RHBDD1: variants seen among roughly 807,000 people sequenced by gnomAD.
RHBDD1 encodes rhomboid domain containing 1.
A neutral mutation model predicts 36.3 loss-of-function variants in RHBDD1; 38 were observed. The observed-to-expected ratio is 1.05, with a 90% CI of 0.81 to 1.37. The LOEUF (loss-of-function observed/expected upper bound fraction) is 1.37, where lower values mean the gene tolerates loss of function less well. RHBDD1 is among the 40% of genes most tolerant of loss of function. RHBDD1 has a pLI of 0.00. For synonymous variants in RHBDD1, 151 were observed against 136.5 expected, an observed-to-expected ratio of 1.11 and a Z score of -0.74; for missense variants, 393 against 377.6, an observed-to-expected ratio of 1.04 and a Z score of -0.34.
chr2:226,906,987 C>A, intron 6 of RHBDD1, 106 bp downstream of exon 6: 1 of 1,099,938 alleles, frequency 9.1e-7, no homozygotes, highest in East Asian at 2.4e-5. Flanking sequence ...CTCAAGAATT[C>A]CCTAATATGC....
chr2:226,922,300 C>T (rs573364753), intron 8 of RHBDD1, among the ~76,000 whole-genome samples: 9 of 149,230 alleles, frequency 6.0e-5, no homozygotes, highest in Admixed American at 2.0e-4. Context: ...TTCCACCTCC[C>T]GGGTTCACGC....
In RHBDD1 at chr2:226,864,885, C is replaced by A. The variant is rs973984931; in HGVS notation, c.192C>A (p.Asp64Glu). 1 of 1,614,110 alleles carries A rather than the reference C, an allele frequency of 6.2e-7. No individual in the cohort carries two copies. The highest frequency in any genetic ancestry group is 1.3e-5 in the African/African-American group (1 of 74,942). Residue 64 changes from aspartate to glutamate, a missense_variant, in exon 4 of 9, where the codon GAC becomes GAA. Coordinates refer to ENST00000392062, the MANE Select transcript of RHBDD1 (RefSeq NM_001167608.3). ...LSVEKCYQQK[D>E]WQRLLLSPLH... ...TGGAGAAGTGTTACCAGCAAAAAGA[C>A]TGGCAGCGTTTACTGCTCTCTCCCC...
chr2:226,813,135 TA>T, the RHBDD1 span, among the ~76,000 whole-genome samples: 4 of 152,304 alleles, frequency 2.6e-5, no homozygotes, highest in East Asian at 7.7e-4. Flanking sequence ...AATTTCTGTG[TA>T]AAAATTAGAC....
intron 8 of RHBDD1, among the ~76,000 whole-genome samples, chr2:226,926,598 G>A (rs1003340267): frequency 3.9e-5 from 6 of 152,120 alleles, no homozygotes; most frequent in African/African-American, 1.4e-4. Context: ...CACATTTTTA[G>A]CAAGAAAATG....
chr2:226,959,176 G>A (rs946099314), intron 8 of RHBDD1, among the ~76,000 whole-genome samples: 1 of 152,116 alleles, frequency 6.6e-6, no homozygotes, highest in Non-Finnish European at 1.5e-5. Context: ...GGTTGTTCTA[G>A]GAATAATGAT....
chr2:226,835,389 A>G (rs893021894), upstream of RHBDD1, among the ~76,000 whole-genome samples: 10 of 152,348 alleles, frequency 6.6e-5, no homozygotes, highest in African/African-American at 2.4e-4. Context: ...AGCCCTCAAA[A>G]TGGGCAAACG....
chr2:226,864,688 C>A lies in RHBDD1; in HGVS notation c.-6C>A, dbSNP rs1944169487. On this transcript the variant is annotated 5_prime_UTR_variant, in exon 4 of 9. In the 5' UTR this introduces an upstream ATG that the reference lacks. Transcript: ENST00000392062. Reference sequence around the variant, plus strand: ...CATTGCTGAGCTGTTTCCCTGATATCTGGCCATGCAACGGAGATCAAGAGG... The same window carrying A: ...CATTGCTGAGCTGTTTCCCTGATATATGGCCATGCAACGGAGATCAAGAGG... 6 of 1,610,054 alleles carry A rather than the reference C, an allele frequency of 3.7e-6. No homozygotes were observed. The highest frequency in any genetic ancestry group is 4.2e-6 in the Non-Finnish European group (5 of 1,177,340).
At chr2:226,862,968 G>A (rs1446884834) in intron 3 of RHBDD1, among the ~76,000 whole-genome samples, 1 of 152,186 alleles carries the variant, frequency 6.6e-6, no homozygotes, top group Non-Finnish European at 1.5e-5. Flanking sequence ...CCTGACCCCA[G>A]GGAGGGCATT....
At chr2:226,862,310 G>T (rs187754855) in intron 3 of RHBDD1, among the ~76,000 whole-genome samples, 3 of 150,640 alleles carry the variant, frequency 2.0e-5, no homozygotes, top group African/African-American at 7.3e-5. Context: ...AAGTTTAAAT[G>T]ATTTGCCCCA....
rs1020173697 is a variant in RHBDD1 at position 226,906,590 on chromosome 2, G to T, written c.567-203G>T. On this transcript the variant is annotated intron_variant, in intron 5 of 8. Transcript: ENST00000392062. The stretch of plus-strand genomic sequence containing the variant: ...AGGGGTGTTGCGTTTTAAACATGTG[G>T]TGGTTGTTATTCATTGTACTTTTTT... 2.9e-5 allele frequency: 33 copies of T among 1,154,918 alleles called. No individual in the cohort carries two copies. The African/African-American group carries it at 4.6e-4, about 16-fold the overall frequency. The allele number at this position is 1,154,918 out of a possible 1,614,324, so 71.5% of individuals were successfully genotyped here. A position where few individuals can be genotyped will look rare whatever the true frequency, so the allele number is the denominator to read the frequency against.
At chr2:226,811,640 G>T in the RHBDD1 span, among the ~76,000 whole-genome samples, 1 of 152,144 alleles carries the variant, frequency 6.6e-6, no homozygotes, top group Non-Finnish European at 1.5e-5. Flanking sequence ...TTATTTAAAA[G>T]ACATTATTGT....
intron 8 of RHBDD1, among the ~76,000 whole-genome samples, chr2:226,941,033 A>G (rs13412838): frequency 0.5 from 75,772 of 150,550 alleles, 19,852 homozygotes; most frequent in African/African-American, 0.67. Context: ...TGCAACCTCC[A>G]CCTCTCAGGT....
At chr2:226,924,292 T>C (rs925227050) in intron 8 of RHBDD1, among the ~76,000 whole-genome samples, 1 of 152,140 alleles carries the variant, frequency 6.6e-6, no homozygotes, top group Admixed American at 6.5e-5. Flanking sequence ...CCAGGGTGCG[T>C]CTAGAAATGA....
intron 8 of RHBDD1, among the ~76,000 whole-genome samples, chr2:226,994,553 A>G (rs186985779): frequency 6.6e-6 from 1 of 152,342 alleles, no homozygotes; most frequent in Admixed American, 6.5e-5. Context: ...GAGCTATAGT[A>G]GTGAAAAGGT....
intron 8 of RHBDD1, among the ~76,000 whole-genome samples, chr2:226,951,081 T>C (rs114753749): frequency 2.6e-5 from 4 of 152,316 alleles, no homozygotes; most frequent in African/African-American, 7.2e-5. Flanking sequence ...CATTTTCTTC[T>C]AGTAGGTTTA....
At chr2:226,911,475 T>C (rs1948510247) in intron 7 of RHBDD1, among the ~76,000 whole-genome samples, 1 of 152,094 alleles carries the variant, frequency 6.6e-6, no homozygotes, top group African/African-American at 2.4e-5. Flanking sequence ...GGTTGCCACT[T>C]TCTTTGATTC....
At chr2:226,847,121 A>G (rs1356149264) in intron 3 of RHBDD1, among the ~76,000 whole-genome samples, 3 of 152,228 alleles carry the variant, frequency 2.0e-5, no homozygotes, top group East Asian at 3.8e-4. Flanking sequence ...TTGCCTCAGC[A>G]GGGTGCAGTT....
intron 8 of RHBDD1, among the ~76,000 whole-genome samples, chr2:226,971,975 A>G (rs1307411592): frequency 6.6e-6 from 1 of 151,356 alleles, no homozygotes; most frequent in African/African-American, 2.4e-5. Context: ...GGTTTGTTAC[A>G]TAGGTCACAT....
chr2:226,895,331 G>T (rs1947010793), intron 5 of RHBDD1, among the ~76,000 whole-genome samples: 1 of 152,176 alleles, frequency 6.6e-6, no homozygotes, highest in Non-Finnish European at 1.5e-5. Flanking sequence ...GCAGCAGTCA[G>T]CCCTGCAGTC....
Sources: allele counts gnomAD v4.1 joint callset (sites outside exome capture counted in the v4.1 genomes callset), GRCh38; gene constraint gnomAD v4.1.1; transcripts MANE v1.5; gene names NCBI Gene and HGNC (gene_info 2026-07-23, HGNC 2026-07-21).